DHRSX: variants seen among roughly 807,000 people sequenced by gnomAD.
DHRSX encodes the protein dehydrogenase/reductase X-linked, also known as polyprenol dehydrogenase.
DHRSX carries 31 observed loss-of-function variants against 34.0 expected under a neutral mutation model. That is an observed-to-expected ratio of 0.91 (90% CI 0.69 to 1.23). DHRSX has a LOEUF of 1.23. Ranked by LOEUF, DHRSX falls within the 50% of genes most tolerant of loss-of-function variation. The pLI, the probability that DHRSX is intolerant of heterozygous loss-of-function variation, is 0.00. For missense variants in DHRSX, 414 were observed against 428.1 expected, an observed-to-expected ratio of 0.97 and a Z score of 0.29; for synonymous variants, 201 against 183.8, an observed-to-expected ratio of 1.09 and a Z score of -0.76.
chrX:2,425,293 G>A lies in DHRSX; in HGVS notation c.121C>T (p.Arg41Ter), dbSNP rs772173053. ...GGFLEPVFPP[R>*]PDRVAIVTGG... ...GTCACTATAGCGACACGGTCAGGTC[G>A]TGGGGGGAAAACTGAAAAAGAAGAA... The change falls in exon 2 of 7, where the codon CGA becomes TGA. Residue 41 changes from arginine (R) to a stop codon, truncating the protein, a stop_gained. Transcript: ENST00000334651. LOFTEE classifies it high-confidence loss of function. 30 of 1,613,150 alleles carry A rather than the reference G, an allele frequency of 1.9e-5. No homozygotes were observed. The highest frequency in any genetic ancestry group is 1.6e-4 in the Middle Eastern group (1 of 6,074).
At position 2,425,250 on chromosome X, in the gene DHRSX, A is replaced by G; in HGVS notation, c.164T>C (p.Ile55Thr). 6.2e-7 allele frequency: 1 copy of G among 1,613,956 alleles called. No individual in the cohort carries two copies. The highest frequency in any genetic ancestry group is 8.5e-7 in the Non-Finnish European group (1 of 1,179,864). Residue 55 changes from isoleucine (I) to threonine (T), a missense_variant, in exon 2 of 7, where the codon ATT (isoleucine) becomes ACT (threonine). By Grantham distance (89) the Ile-to-Thr change is moderately conservative. Transcript: ENST00000334651. ...CAGATGCTTCGCTGTAGAATAGCCA[A>G]TGCCATCTGTCCCTCCCGTCACTAT... ...VAIVTGGTDG[I>T]GYSTAKHLAR... is the part of the protein sequence containing the mutation.
At chrX:2,435,721 C>T (rs1302911553) in intron 1 of DHRSX, among the ~76,000 whole-genome samples, 1 of 152,136 alleles carries the variant, frequency 6.6e-6, no homozygotes, top group Non-Finnish European at 1.5e-5. Context: ...GCTATGATTG[C>T]ATTACTGCAC....
chrX:2,322,451 A>G (rs1602941235), intron 3 of DHRSX, among the ~76,000 whole-genome samples: 1 of 149,638 alleles, frequency 6.7e-6, no homozygotes, highest in East Asian at 2.1e-4. Context: ...CGGGAGGCTG[A>G]GGCAGGAGAA....
chrX:2,479,070 A>G (rs185113009), intron 1 of DHRSX, among the ~76,000 whole-genome samples: 12 of 152,308 alleles, frequency 7.9e-5, no homozygotes, highest in African/African-American at 2.9e-4. Flanking sequence ...GTGCACACTG[A>G]AGATGTTCCC....
chrX:2,349,868 T>C (rs113267053), intron 3 of DHRSX, among the ~76,000 whole-genome samples: 14,370 of 138,386 alleles, frequency 0.1, 1,218 homozygotes, highest in Non-Finnish European at 0.16. Flanking sequence ...GAAACCCCGT[T>C]TCCACTAAAA....
chrX:2,283,181 G>A (rs1188055578), intron 4 of DHRSX, among the ~76,000 whole-genome samples: 1 of 151,968 alleles, frequency 6.6e-6, no homozygotes, highest in Non-Finnish European at 1.5e-5. Flanking sequence ...GGAGGCTATG[G>A]GACGGACGCC....
chrX:2,418,098 C>T (rs1300977608), intron 2 of DHRSX, among the ~76,000 whole-genome samples: 1 of 151,942 alleles, frequency 6.6e-6, no homozygotes, highest in Non-Finnish European at 1.5e-5. Flanking sequence ...CCTAGCCCAA[C>T]AAGATTTCAT....
At chrX:2,249,400 G>A (rs1294350918) in intron 5 of DHRSX, among the ~76,000 whole-genome samples, 8 of 143,000 alleles carry the variant, frequency 5.6e-5, no homozygotes, top group African/African-American at 1.6e-4. Flanking sequence ...GGGTTTCACC[G>A]TGTTAGCCAG....
chrX:2,353,646 C>T (rs1236911751), intron 3 of DHRSX, among the ~76,000 whole-genome samples: 6 of 148,334 alleles, frequency 4.0e-5, no homozygotes, highest in South Asian at 2.1e-4. Flanking sequence ...TGCAATGGCG[C>T]GATCTCGGCT....
intron 1 of DHRSX, among the ~76,000 whole-genome samples, chrX:2,444,928 G>T (rs373746156): frequency 3.3e-5 from 5 of 152,102 alleles, no homozygotes; most frequent in African/African-American, 1.2e-4. Flanking sequence ...AGGCCGAGGC[G>T]GGCAGATCAC....
At chrX:2,431,182 T>C (rs1467204105) in intron 1 of DHRSX, among the ~76,000 whole-genome samples, 1 of 151,536 alleles carries the variant, frequency 6.6e-6, no homozygotes, top group Non-Finnish European at 1.5e-5. Context: ...AAAATTAGCC[T>C]GGCGTGGTGG....
chrX:2,379,378 T>C (rs2043177921), intron 3 of DHRSX, among the ~76,000 whole-genome samples: 1 of 152,160 alleles, frequency 6.6e-6, no homozygotes, highest in African/African-American at 2.4e-5. Context: ...AGATGGATGA[T>C]GACTAATTAG....
intron 1 of DHRSX, among the ~76,000 whole-genome samples, chrX:2,498,169 T>C (rs1417388290): frequency 6.6e-6 from 1 of 152,212 alleles, no homozygotes; most frequent in Non-Finnish European, 1.5e-5. Context: ...TCAACTCATG[T>C]GGAAGGTGTA....
At chrX:2,484,869 C>G (rs2044844011) in intron 1 of DHRSX, among the ~76,000 whole-genome samples, 1 of 147,314 alleles carries the variant, frequency 6.8e-6, no homozygotes, top group Non-Finnish European at 1.5e-5. Flanking sequence ...CCTCTGCACT[C>G]ACGAGCAAAT....
At chrX:2,487,801 T>TTA (rs1556538174) in intron 1 of DHRSX, 1 of 150,508 alleles carries the variant, frequency 6.6e-6, no homozygotes, top group Non-Finnish European at 1.5e-5. Flanking sequence ...AACCGAACAT[T>TTA]AAAAAAAAAG....
At chrX:2,491,302 TC>T (rs1301857330) in intron 1 of DHRSX, among the ~76,000 whole-genome samples, 2 of 152,180 alleles carry the variant, frequency 1.3e-5, no homozygotes, top group African/African-American at 4.8e-5. Context: ...ACTCCTGACT[TC>T]AGGTGATCCA....
intron 1 of DHRSX, 119 bp from the exon 2 acceptor site, chrX:2,425,423 G>T: frequency 1.2e-6 from 1 of 846,060 alleles, no homozygotes; most frequent in Non-Finnish European, 1.9e-6. Context: ...TTTATTTCTG[G>T]TTCTGTTCCT....
chrX:2,236,560 T>C (rs191608418), intron 6 of DHRSX, among the ~76,000 whole-genome samples: 1 of 151,970 alleles, frequency 6.6e-6, no homozygotes, highest in Admixed American at 6.6e-5. Context: ...GCCTCCCGAG[T>C]AGCTGGGATT....
rs760319418 is a variant in DHRSX, at chrX:2,381,907, T to G, written c.286+26838A>C. Among the ~76,000 whole-genome samples, 21 of 151,326 alleles carry G rather than the reference T, an allele frequency of 1.4e-4. No homozygotes were observed. The South Asian group carries it at 2.5e-3, about 18-fold the overall frequency. ...GATTATTTTAAAAGCAGAGCCTAGA[T>G]GTGCAAATCTGCAGGAGGGGTAACA... On this transcript the variant is annotated intron_variant, in intron 3 of 6. Transcript: ENST00000334651.
Sources: allele counts gnomAD v4.1 joint callset (sites outside exome capture counted in the v4.1 genomes callset), GRCh38; gene constraint gnomAD v4.1.1; transcripts MANE v1.5; gene names NCBI Gene and HGNC (gene_info 2026-07-23, HGNC 2026-07-21).